Variants in IGFN1 observed in about 807,000 individuals in gnomAD.
IGFN1 encodes immunoglobulin like and fibronectin type III domain containing 1.
IGFN1 carries 253 observed loss-of-function variants against 289.5 expected under a neutral mutation model. That is an observed-to-expected ratio of 0.87 (90% CI 0.79 to 0.97). IGFN1 has a LOEUF of 0.97. Ranked by LOEUF, IGFN1 falls within the 50% of genes least tolerant of loss-of-function variation. The pLI, the probability that IGFN1 is intolerant of heterozygous loss-of-function variation, is 0.00. For missense variants in IGFN1, 4,470 were observed against 4,686.1 expected, an observed-to-expected ratio of 0.95 and a Z score of 1.35; for synonymous variants, 1,706 against 1,788.5, an observed-to-expected ratio of 0.95 and a Z score of 1.16.
At position 201,208,753 on chromosome 1, in the gene IGFN1, G is replaced by A; in HGVS notation, c.3860G>A (p.Gly1287Asp). ...SGEMGSVDKE[G>D]YKKDLGAPEN... is the part of the protein sequence containing the mutation. ...GAAATGGGGTCAGTGGATAAGGAAGGTTATAAGAAAGATTTGGGGGCTCCT... is the reference window on the plus strand; with the variant it reads ...GAAATGGGGTCAGTGGATAAGGAAGATTATAAGAAAGATTTGGGGGCTCCT... The change falls in exon 12 of 24, where the codon GGT becomes GAT. Residue 1287 changes from glycine (G) to aspartate (D), a missense_variant. Physicochemically the swap from Gly to Asp is moderately conservative, Grantham distance 94. Coordinates refer to ENST00000335211, the MANE Select transcript of IGFN1 (RefSeq NM_001164586.2). The A allele has an allele frequency of 1.3e-6, 2 of 1,536,796 alleles. No homozygotes were observed. Among genetic ancestry groups the A allele is most frequent in the Non-Finnish European group, 8.7e-7 (1 of 1,146,760 alleles).
In IGFN1 at chr1:201,194,164, G is replaced by T; in HGVS notation, c.18G>T (p.Arg6=). MAGKL[R]KSHIPGVSIW... is the part of the protein sequence containing the mutation. ...TCCTGCATTCTCCAGGAAAGCTCCG[G>T]AAGTCCCACATCCCTGGAGTGAGCA... is the stretch of plus-strand genomic sequence containing the variant. The change falls in exon 3 of 24, where the codon CGG becomes CGT. Residue 6 remains arginine (R), a synonymous_variant. Transcript: ENST00000335211. 1 of 1,551,542 alleles carries T rather than the reference G, an allele frequency of 6.4e-7. No individual in the cohort carries two copies. Among genetic ancestry groups the T allele is most frequent in the South Asian group, 1.2e-5 (1 of 84,060 alleles).
intron 16 of IGFN1, among the ~76,000 whole-genome samples, chr1:201,217,017 C>T (rs1238194619): frequency 1.3e-5 from 2 of 152,250 alleles, no homozygotes; most frequent in Non-Finnish European, 1.5e-5. Context: ...GAGGAGCATC[C>T]GCCTCCAACA....
chr1:201,226,174 CA>C (rs1361519759), intron 22 of IGFN1, 51 bp downstream of exon 22: 1 of 1,501,010 alleles, frequency 6.7e-7, no homozygotes. Context: ...TTGCGCTCTG[CA>C]ATGCAGTGGG....
At position 201,193,243 on chromosome 1, in the gene IGFN1, T is replaced by G; in HGVS notation, c.-47-4T>G. 1.4e-6 allele frequency: 2 copies of G among 1,419,770 alleles called. No homozygotes were observed. Among genetic ancestry groups the G allele is most frequent in the Non-Finnish European group, 9.8e-7 (1 of 1,025,536 alleles). The allele number at this position is 1,419,770 out of a possible 1,614,324, so 87.9% of individuals were successfully genotyped here. ...CTCAAAAGCAATTCCATTTCTGTTC[T>G]CAGGGTAATAGAACTTCTACCCTCA... On this transcript the variant is annotated splice_polypyrimidine_tract_variant and splice_region_variant and intron_variant, in intron 1 of 23. Transcript: ENST00000335211.
chr1:201,199,516 C>T (rs1558135013), intron 6 of IGFN1, 93 bp from the exon 7 acceptor site: 2 of 1,436,874 alleles, frequency 1.4e-6, no homozygotes, highest in Non-Finnish European at 1.9e-6. Flanking sequence ...CTTCCAAAGG[C>T]TCAGTTGTCA....
At chr1:201,220,002 CTT>C (rs1283133278) in intron 18 of IGFN1, among the ~76,000 whole-genome samples, 1 of 151,148 alleles carries the variant, frequency 6.6e-6, no homozygotes, top group African/African-American at 2.4e-5. Context: ...GTCATTCTTT[CTT>C]TCTCTCTCTC....
chr1:201,212,109 C>A lies in IGFN1; in HGVS notation c.7216C>A (p.Pro2406Thr). The part of the protein sequence containing the change: ...SEGDTNSKDG[P>T]ERARETRLVD... ...GGGTGACACGAACTCCAAGGATGGT[C>A]CAGAGCGAGCCAGGGAAACCAGGCT... Residue 2406 changes from proline to threonine, a missense_variant, in exon 12 of 24, where the codon CCA becomes ACA. By Grantham distance (38) the Pro-to-Thr change is conservative. This residue lies in a region of IGFN1 where 2,218 missense variants were observed against 2,114.1 expected (regional missense o/e 1.05). Coordinates refer to ENST00000335211, the MANE Select transcript of IGFN1 (RefSeq NM_001164586.2). The A allele has an allele frequency of 6.5e-7, 1 of 1,536,374 alleles. No individual in the cohort carries two copies. Among genetic ancestry groups the A allele is most frequent in the Non-Finnish European group, 8.7e-7 (1 of 1,146,764 alleles).
At position 201,224,884 on chromosome 1, in the gene IGFN1, G is replaced by A; in HGVS notation, c.10486+10G>A. ...CGTATCAGGGTGGCAGGTGAGGCAG[G>A]CCTTGCTCTGGGCTCTGGACGCTGG... On this transcript the variant is annotated intron_variant, in intron 21 of 23. Coordinates refer to ENST00000335211, the MANE Select transcript of IGFN1 (RefSeq NM_001164586.2). 3 of 1,607,790 alleles carry A rather than the reference G, an allele frequency of 1.9e-6. No homozygotes were observed. The highest frequency in any genetic ancestry group is 2.6e-6 in the Non-Finnish European group (3 of 1,176,456).
intron 9 of IGFN1, 44 bp from the exon 10 acceptor site, chr1:201,203,694 G>A (rs1237776612): frequency 1.9e-6 from 3 of 1,539,782 alleles, no homozygotes; most frequent in East Asian, 2.4e-5. Flanking sequence ...AGGAAGCACT[G>A]AGGACCCACT....
At chr1:201,204,521 T>A (rs1197812941) in intron 10 of IGFN1, among the ~76,000 whole-genome samples, 3 of 151,862 alleles carry the variant, frequency 2.0e-5, no homozygotes, top group Non-Finnish European at 4.4e-5. Context: ...TGAATCAAAG[T>A]TGGGGGAGAA....
intron 2 of IGFN1, 75 bp from the exon 3 acceptor site, chr1:201,194,079 T>C: frequency 6.6e-7 from 1 of 1,512,756 alleles, no homozygotes; most frequent in Non-Finnish European, 8.9e-7. Context: ...AGTGGGTGGA[T>C]GCCCATTCTG....
chr1:201,198,863 T>C (rs1667025912), intron 5 of IGFN1, among the ~76,000 whole-genome samples: 1 of 152,240 alleles, frequency 6.6e-6, no homozygotes, highest in South Asian at 2.1e-4. Context: ...TCAGCCTCTC[T>C]AGTGGAAGCA....
intron 9 of IGFN1, among the ~76,000 whole-genome samples, chr1:201,202,909 C>A (rs538345673): frequency 1.3e-5 from 2 of 151,878 alleles, no homozygotes; most frequent in Non-Finnish European, 2.9e-5. Context: ...GTGTTTGCCA[C>A]CACACCCAGC....
chr1:201,227,616 A>AG lies in IGFN1; in HGVS notation c.11113+414dup, dbSNP rs1368034048. Among the ~76,000 whole-genome samples, 7 of 151,986 alleles carry AG rather than the reference A, an allele frequency of 4.6e-5. No individual in the cohort carries two copies. The East Asian group carries it at 9.7e-4, about 21-fold the overall frequency. On this transcript the variant is annotated intron_variant, in intron 23 of 23. Coordinates refer to ENST00000335211, the MANE Select transcript of IGFN1 (RefSeq NM_001164586.2). ...CGGATTTTTTTGTATTTTTAATAGA[A>AG]GGGGGGTTTCATCATATTGGCCAGA...
In IGFN1 at chr1:201,209,668, G is replaced by C. The variant is rs772980488; in HGVS notation, c.4775G>C (p.Gly1592Ala). The C allele has an allele frequency of 1.3e-6, 2 of 1,535,958 alleles. No homozygotes were observed. The highest frequency in any genetic ancestry group is 1.7e-6 in the Non-Finnish European group (2 of 1,146,218). ...ASFRDGLGGS[G>A]EMGSVNEAGY... ...TTTAGGGATGGTTTAGGAGGTTCTG[G>C]AGAAATGGGGTCAGTGAATGAAGCA... Residue 1592 changes from glycine to alanine, a missense_variant, in exon 12 of 24, where the codon GGA becomes GCA. Around this residue, in one of 8 missense-constraint regions of IGFN1, gnomAD observed 31 missense variants for 121.0 expected, o/e 0.26. Coordinates refer to ENST00000335211, the MANE Select transcript of IGFN1 (RefSeq NM_001164586.2).
Position 201,221,574 on chromosome 1 carries a change from A to G in IGFN1, c.10029A>G (p.Ser3343=). The G allele has an allele frequency of 6.2e-7, 1 of 1,614,192 alleles. No individual in the cohort carries two copies. The highest frequency in any genetic ancestry group is 1.1e-5 in the South Asian group (1 of 91,082). The change falls in exon 19 of 24, where the codon TCA becomes TCG. Residue 3343 remains serine, a synonymous_variant. Transcript: ENST00000335211. ...AQGYVVELCS[S]DSLQWLPCHV... ...GGTATGTGGTGGAGCTGTGCAGCTC[A>G]GACAGTCTCCAGTGGCTCCCGTGCC... is the stretch of plus-strand genomic sequence containing the variant.
Position 201,221,430 on chromosome 1 carries a change from A to G in IGFN1, c.9899-14A>G. 3 of 1,546,940 alleles carry G rather than the reference A, an allele frequency of 1.9e-6. No homozygotes were observed. Among genetic ancestry groups the G allele is most frequent in the Non-Finnish European group, 2.6e-6 (3 of 1,142,800 alleles). On this transcript the variant is annotated splice_polypyrimidine_tract_variant and intron_variant, in intron 18 of 23. Transcript: ENST00000335211. The stretch of plus-strand genomic sequence containing the variant: ...AGGAGATGCCATTCCTGACTCTCCC[A>G]TGGTGCCTGGCAGGACCCCCTGGGC...
rs1667909470 is a variant in IGFN1, at chr1:201,213,098, G to A, written c.8205G>A (p.Gln2735=). The A allele has an allele frequency of 6.4e-7, 1 of 1,551,510 alleles. No individual in the cohort carries two copies. The highest frequency in any genetic ancestry group is 8.7e-7 in the Non-Finnish European group (1 of 1,146,988). The change falls in exon 12 of 24, where the codon CAG becomes CAA. Residue 2735 remains glutamine, a synonymous_variant. Transcript: ENST00000335211. ...LTPKPGESGP[Q]GAWNGLDGPF... ...CAAAACCTGGGGAGTCCGGACCTCA[G>A]GGAGCCTGGAATGGCTTAGATGGTC...
intron 16 of IGFN1, 102 bp downstream of exon 16, chr1:201,216,855 C>T: frequency 2.0e-6 from 2 of 1,006,526 alleles, no homozygotes; most frequent in Non-Finnish European, 2.9e-6. Flanking sequence ...CCAGCCTGTG[C>T]TCGGGGCTTC....
Sources: gnomAD v4.1 joint callset for allele counts (sites outside exome capture counted in the v4.1 genomes callset) on GRCh38, gnomAD v4.1.1 for gene constraint, gnomAD v4.1.1 regional missense constraint, MANE v1.5 for transcripts, NCBI Gene and HGNC (gene_info 2026-07-23, HGNC 2026-07-21) for gene names.